TRPC4: variants seen among roughly 807,000 people sequenced by gnomAD.
TRPC4 encodes short transient receptor potential channel 4.
In TRPC4, 49 loss-of-function variants were observed where a neutral mutation model predicts 99.4. The observed-to-expected ratio is 0.49, with a 90% CI of 0.39 to 0.63. The LOEUF (loss-of-function observed/expected upper bound fraction) is 0.63. Among genes scored for constraint, TRPC4 ranks in the 20% least tolerant of loss-of-function variants. The pLI is 0.00. For missense variants in TRPC4, 898 were observed against 1,152.9 expected (o/e 0.78, Z 3.20); for synonymous variants, 454 against 425.9 (o/e 1.07, Z -0.81).
At chr13:37,642,970 T>G (rs1951771029) in intron 8 of TRPC4, among the ~76,000 whole-genome samples, 1 of 152,092 alleles carries the variant, frequency 6.6e-6, no homozygotes, top group Admixed American at 6.6e-5. Context: ...GACCTTGAGA[T>G]CTGCCTGCCT....
intron 1 of TRPC4, among the ~76,000 whole-genome samples, chr13:37,862,083 C>T (rs1034645511): frequency 6.6e-6 from 1 of 151,404 alleles, no homozygotes. Context: ...GAGGAGCCCA[C>T]AAGAAAACAC....
chr13:37,720,611 ATATT>A (rs1954838700), intron 3 of TRPC4, among the ~76,000 whole-genome samples: 1 of 152,134 alleles, frequency 6.6e-6, no homozygotes, highest in African/African-American at 2.4e-5. Context: ...TTACAAATAA[ATATT>A]TATTTCTCAA....
intron 3 of TRPC4, among the ~76,000 whole-genome samples, chr13:37,739,702 C>T (rs1264800559): frequency 5.3e-5 from 8 of 151,812 alleles, no homozygotes; most frequent in Non-Finnish European, 1.0e-4. Flanking sequence ...GACAGGGTTT[C>T]GCTTTGTTGG....
chr13:37,767,870 C>T (rs1956426718), intron 2 of TRPC4, among the ~76,000 whole-genome samples: 1 of 151,310 alleles, frequency 6.6e-6, no homozygotes, highest in African/African-American at 2.4e-5. Flanking sequence ...ACAGAAAAGA[C>T]TAAGATTTTG....
intron 3 of TRPC4, among the ~76,000 whole-genome samples, chr13:37,703,745 T>C (rs1208927452): frequency 6.6e-6 from 1 of 152,134 alleles, no homozygotes; most frequent in African/African-American, 2.4e-5. Flanking sequence ...AAAATATAAA[T>C]AGCTTTTTAA....
intron 1 of TRPC4, among the ~76,000 whole-genome samples, chr13:37,820,784 C>T (rs1160833158): frequency 2.0e-5 from 3 of 151,950 alleles, no homozygotes; most frequent in African/African-American, 7.2e-5. Context: ...AAGGAACATA[C>T]TTCAAAATAA....
intron 1 of TRPC4, among the ~76,000 whole-genome samples, chr13:37,784,580 T>A (rs79476290): frequency 6.6e-6 from 1 of 152,054 alleles, no homozygotes; most frequent in African/African-American, 2.4e-5. Context: ...TATTTGGATA[T>A]GTTTGCTCTG....
At chr13:37,843,575 C>A (rs114847667) in intron 1 of TRPC4, among the ~76,000 whole-genome samples, 1,771 of 152,094 alleles carry the variant, frequency 0.012, 27 homozygotes, top group African/African-American at 0.04. Context: ...GAAAATTGAA[C>A]CCAGTAGTGT....
Position 37,773,355 on chromosome 13 carries a change from G to A in TRPC4, c.378+9601C>T, listed in dbSNP as rs551805033. On this transcript the variant is annotated intron_variant, in intron 2 of 10. Coordinates refer to ENST00000379705, the MANE Select transcript of TRPC4 (RefSeq NM_016179.4). ...TTTTATCCATAACAGTTCAATATACGTGGAAGGAATCTACCAAATAAATGT... is the reference window on the plus strand; with the variant it reads ...TTTTATCCATAACAGTTCAATATACATGGAAGGAATCTACCAAATAAATGT... 3.9e-5 allele frequency among the ~76,000 whole-genome samples: 6 copies of A among 151,906 alleles called. No individual in the cohort carries two copies. The East Asian group carries it at 9.8e-4, about 25-fold the overall frequency.
chr13:37,650,064 A>G (rs1156543458), intron 8 of TRPC4, among the ~76,000 whole-genome samples: 1 of 152,232 alleles, frequency 6.6e-6, no homozygotes, highest in East Asian at 1.9e-4. Flanking sequence ...TAGAGTTGTT[A>G]CTGAGATGAG....
chr13:37,810,237 T>C (rs1479885502), intron 1 of TRPC4, among the ~76,000 whole-genome samples: 1 of 152,072 alleles, frequency 6.6e-6, no homozygotes, highest in Non-Finnish European at 1.5e-5. Context: ...TAAAAACATT[T>C]CATAAATTAA....
intron 1 of TRPC4, among the ~76,000 whole-genome samples, chr13:37,810,952 T>G (rs1566187799): frequency 6.6e-6 from 1 of 152,044 alleles, no homozygotes; most frequent in African/African-American, 2.4e-5. Context: ...TTCTACATAT[T>G]ATCTCATTCC....
In TRPC4 at chr13:37,783,370, GAAACAAA is replaced by G. The variant is rs1351595045; in HGVS notation, c.-27-17_-27-11del. The G allele has an allele frequency of 6.7e-7, 1 of 1,495,132 alleles. No homozygotes were observed. Among genetic ancestry groups the G allele is most frequent in the Non-Finnish European group, 8.9e-7 (1 of 1,123,366 alleles). The allele number at this position is 1,495,132 out of a possible 1,614,324, so 92.6% of individuals were successfully genotyped here. ...TGCTATTTCTTCGTCTCTGAAAGTA[GAAACAAA>G]AAACACAAAGATTAGTGTTAATATG... On this transcript the variant is annotated splice_polypyrimidine_tract_variant and intron_variant, in intron 1 of 10. Coordinates refer to ENST00000379705, the MANE Select transcript of TRPC4 (RefSeq NM_016179.4).
At chr13:37,828,161 C>T (rs908884938) in intron 1 of TRPC4, among the ~76,000 whole-genome samples, 66 of 152,206 alleles carry the variant, frequency 4.3e-4, no homozygotes, top group African/African-American at 1.4e-3. Context: ...CACTGACCTG[C>T]ACCCACTGTC....
chr13:37,809,274 G>T (rs1957611368), intron 1 of TRPC4, among the ~76,000 whole-genome samples: 1 of 151,880 alleles, frequency 6.6e-6, no homozygotes, highest in Non-Finnish European at 1.5e-5. Context: ...AAAATAAAGA[G>T]TTTAGAGTCC....
In TRPC4 at chr13:37,850,412, A is replaced by G. The variant is rs1042662738; in HGVS notation, c.-28+19183T>C. Among the ~76,000 whole-genome samples, 27 of 152,346 alleles carry G rather than the reference A, an allele frequency of 1.8e-4. No individual in the cohort carries two copies. In the East Asian group the frequency reaches 2.5e-3, roughly 14 times the overall value. On this transcript the variant is annotated intron_variant, in intron 1 of 10. Coordinates refer to ENST00000379705, the MANE Select transcript of TRPC4 (RefSeq NM_016179.4). ...TACAATTTGTTATTTTATACAAAAT[A>G]GATTTAAATGGTTGTTTAATTCCTG... is the stretch of plus-strand genomic sequence containing the variant.
At chr13:37,814,904 G>T (rs1461796832) in intron 1 of TRPC4, among the ~76,000 whole-genome samples, 3 of 151,734 alleles carry the variant, frequency 2.0e-5, no homozygotes, top group African/African-American at 7.3e-5. Flanking sequence ...AAAATTTGGA[G>T]GACTTGCATT....
chr13:37,869,337 G>C (rs1960009227), intron 1 of TRPC4, among the ~76,000 whole-genome samples: 1 of 152,166 alleles, frequency 6.6e-6, no homozygotes, highest in African/African-American at 2.4e-5. Context: ...TTAAAGCCGA[G>C]TGCGGCGGAA....
At chr13:37,673,890 C>A (rs1952947616) in intron 5 of TRPC4, among the ~76,000 whole-genome samples, 1 of 151,934 alleles carries the variant, frequency 6.6e-6, no homozygotes, top group African/African-American at 2.4e-5. Context: ...ATTTGGGTTG[C>A]CAAAATTTAA....
Sources: allele counts gnomAD v4.1 joint callset (sites outside exome capture counted in the v4.1 genomes callset), GRCh38; gene constraint gnomAD v4.1.1; transcripts MANE v1.5; gene names NCBI Gene and HGNC (gene_info 2026-07-23, HGNC 2026-07-21).